MUS81: variants seen among roughly 807,000 people sequenced by gnomAD.
MUS81 encodes the protein structure-specific endonuclease subunit MUS81.
In MUS81, 69 loss-of-function variants were observed where a neutral mutation model predicts 74.2. That is an observed-to-expected ratio of 0.93 (90% CI 0.77 to 1.14). The LOEUF is 1.14. Ranked by LOEUF, MUS81 falls within the 50% of genes most tolerant of loss-of-function variation. The probability of loss-of-function intolerance (pLI) is 0.00; values close to 1 mark genes in which losing one functional copy is unlikely to be tolerated. For synonymous variants in MUS81, 303 were observed against 300.6 expected, an observed-to-expected ratio of 1.01 and a Z score of -0.08; for missense variants, 711 against 726.5, an observed-to-expected ratio of 0.98 and a Z score of 0.25.
intron 6 of MUS81, 102 bp from the exon 7 acceptor site, chr11:65,862,963 G>T (rs1387297742): frequency 6.7e-7 from 1 of 1,496,752 alleles, no homozygotes; most frequent in Admixed American, 1.7e-5. Flanking sequence ...TTTGTGCAGG[G>T]CGCCAAGGGG....
chr11:65,863,545 C>CT, intron 8 of MUS81, 43 bp downstream of exon 8: 3 of 1,613,924 alleles, frequency 1.9e-6, no homozygotes, highest in Non-Finnish European at 2.5e-6. Flanking sequence ...TCAGAGGAGG[C>CT]TGGGGGGTAG....
downstream of MUS81, chr11:65,867,155 C>T: frequency 6.3e-7 from 1 of 1,586,378 alleles, no homozygotes; most frequent in Non-Finnish European, 8.6e-7. Context: ...CGTCACCTCC[C>T]TGCCCCGTGG....
At chr11:65,867,453 C>A, downstream of MUS81, 1 of 427,936 alleles carries the variant, frequency 2.3e-6, no homozygotes, top group Non-Finnish European at 4.4e-6. Flanking sequence ...CTAGACAAAC[C>A]CCTTCTCCTG....
rs778943111 is a variant in MUS81, at chr11:65,864,483, G to T, written c.1060-14G>T. The T allele has an allele frequency of 2.5e-6, 4 of 1,610,414 alleles. No individual in the cohort carries two copies. Among genetic ancestry groups the T allele is most frequent in the Non-Finnish European group, 2.5e-6 (3 of 1,176,618 alleles). ...CAGCCTGACCCTCCCTGTCCACTCT[G>T]TACACTTCCCTAGTTCCGGCTGAAG... On this transcript the variant is annotated splice_polypyrimidine_tract_variant and intron_variant, in intron 10 of 15. Coordinates refer to ENST00000308110, the MANE Select transcript of MUS81 (RefSeq NM_025128.5).
At chr11:65,864,053 C>G (rs1174198428) in intron 10 of MUS81, 152 bp downstream of exon 10, 2 of 728,058 alleles carry the variant, frequency 2.7e-6, no homozygotes, top group Non-Finnish European at 4.6e-6. Flanking sequence ...GGATCAGACC[C>G]CCACAGGCCC....
Position 65,860,600 on chromosome 11 carries a change from C to T in MUS81, c.-154C>T. On this transcript the variant is annotated 5_prime_UTR_variant, in exon 1 of 16. Transcript: ENST00000308110. ...CGCAGGCTCTCCTCTCGTTAGTGCC[C>T]CCTGTGTTTGGGGCCCCGTGATCTC... 9.9e-7 allele frequency: 1 copy of T among 1,013,498 alleles called. No individual in the cohort carries two copies. The highest frequency in any genetic ancestry group is 2.6e-5 in the East Asian group (1 of 38,106). 62.8% of individuals were successfully genotyped at this position (1,013,498 alleles called of 1,614,324 possible). A position where few individuals can be genotyped will look rare whatever the true frequency, so the allele number is the denominator to read the frequency against.
At position 65,865,319 on chromosome 11, in the gene MUS81, G is replaced by A; in HGVS notation, c.1501G>A (p.Ala501Thr). 1 of 1,613,412 alleles carries A rather than the reference G, an allele frequency of 6.2e-7. No homozygotes were observed. The highest frequency in any genetic ancestry group is 1.1e-5 in the South Asian group (1 of 91,006). Residue 501 changes from alanine (A) to threonine (T), a missense_variant, in exon 14 of 16, where the codon GCC (alanine) becomes ACC (threonine). By Grantham distance (58) the Ala-to-Thr change is moderately conservative. Transcript: ENST00000308110. The part of the protein sequence containing the change: ...AALVDRYSTP[A>T]SLLAAYDACA... ...CCTGGTGGATCGATACAGCACCCCTGCCAGGTAGGCCCTAAAGGGCCCTTA... is the reference window on the plus strand; with the variant it reads ...CCTGGTGGATCGATACAGCACCCCTACCAGGTAGGCCCTAAAGGGCCCTTA...
chr11:65,865,078 C>G lies in MUS81; in HGVS notation c.1334C>G (p.Thr445Ser). ...GGGAACCCTGAATCAGGGGCCATGACCTCTCCAAACCCTCTCTGCTCACTC... is the reference window on the plus strand; with the variant it reads ...GGGAACCCTGAATCAGGGGCCATGAGCTCTCCAAACCCTCTCTGCTCACTC... ...TPGNPESGAM[T>S]SPNPLCSLLT... Residue 445 changes from threonine to serine, a missense_variant, in exon 13 of 16, where the codon ACC (threonine) becomes AGC (serine). By Grantham distance (58) the Thr-to-Ser change is moderately conservative. Coordinates refer to ENST00000308110, the MANE Select transcript of MUS81 (RefSeq NM_025128.5). 1.9e-6 allele frequency: 3 copies of G among 1,614,156 alleles called. No homozygotes were observed. Among genetic ancestry groups the G allele is most frequent in the Non-Finnish European group, 2.5e-6 (3 of 1,180,030 alleles).
upstream of MUS81, among the ~76,000 whole-genome samples, chr11:65,859,697 GC>G (rs1859506205): frequency 1.3e-5 from 2 of 152,356 alleles, no homozygotes; most frequent in South Asian, 4.1e-4. Flanking sequence ...GCGACTTCCG[GC>G]ATAGCAGCTA....
At position 65,863,865 on chromosome 11, in the gene MUS81, C is replaced by T. The variant is rs1591059116; in HGVS notation, c.1023C>T (p.Cys341=). ...AGCGCAAGCGACTGGATGACCTTTG[C>T]AGCAGCATCATCGACGGCCGCTTCC... is the stretch of plus-strand genomic sequence containing the variant. ...IVERKRLDDL[C]SSIIDGRFRE... The change falls in exon 10 of 16, where the codon TGC becomes TGT. Residue 341 remains cysteine (C), a synonymous_variant. Coordinates refer to ENST00000308110, the MANE Select transcript of MUS81 (RefSeq NM_025128.5). 2 of 1,614,174 alleles carry T rather than the reference C, an allele frequency of 1.2e-6. No individual in the cohort carries two copies. Among genetic ancestry groups the T allele is most frequent in the East Asian group, 2.2e-5 (1 of 44,894 alleles).
At chr11:65,861,724 T>G in intron 3 of MUS81, 1 of 608,098 alleles carries the variant, frequency 1.6e-6, no homozygotes, top group Non-Finnish European at 2.9e-6. Context: ...CAGCGCATGG[T>G]AGAAGTGAGG....
At chr11:65,865,498 T>C (rs1289959812) in intron 14 of MUS81, 175 bp downstream of exon 14, 6 of 696,536 alleles carry the variant, frequency 8.6e-6, no homozygotes, top group Non-Finnish European at 2.4e-6. Flanking sequence ...CAGGCCCACA[T>C]AGTGTCCCAG....
At position 65,864,539 on chromosome 11, in the gene MUS81, G is replaced by T; in HGVS notation, c.1102G>T (p.Val368Leu). The T allele has an allele frequency of 1.2e-6, 2 of 1,614,152 alleles. No individual in the cohort carries two copies. The highest frequency in any genetic ancestry group is 1.7e-6 in the Non-Finnish European group (2 of 1,180,026). Reference protein sequence around the residue: ...RCGLERRVYLVEEHGSVHNLS... With the variant: ...RCGLERRVYLLEEHGSVHNLS... ...TGGTCTGGAGCGCCGGGTATACCTG[G>T]TGGAAGAGCATGGTTCCGTCCACAA... The change falls in exon 11 of 16, where the codon GTG becomes TTG. Residue 368 changes from valine to leucine, a missense_variant. Val to Leu is a conservative substitution (Grantham distance 32, BLOSUM62 1). Coordinates refer to ENST00000308110, the MANE Select transcript of MUS81 (RefSeq NM_025128.5).
chr11:65,862,948 G>A, intron 6 of MUS81, 117 bp from the exon 7 acceptor site: 7 of 1,320,936 alleles, frequency 5.3e-6, no homozygotes, highest in Non-Finnish European at 7.5e-6. Flanking sequence ...GAGCCACTGG[G>A]GTCATTTGTG....
At chr11:65,865,185 A>G (rs1859778386) in intron 13 of MUS81, 35 bp from the exon 14 acceptor site, 3 of 1,614,062 alleles carry the variant, frequency 1.9e-6, no homozygotes, top group African/African-American at 2.7e-5. Context: ...GGCCTGGCCC[A>G]GACCCCCACT....
At position 65,864,565 on chromosome 11, in the gene MUS81, C is replaced by T. The variant is rs1239808814; in HGVS notation, c.1128C>T (p.Asn376=). The part of the protein sequence containing the change: ...YLVEEHGSVH[N]LSLPESTLLQ... ...TGGAAGAGCATGGTTCCGTCCACAA[C>T]CTCAGCCTTCCTGAGAGCACACTGC... Residue 376 remains asparagine, a synonymous_variant, in exon 11 of 16, where the codon AAC becomes AAT. Coordinates refer to ENST00000308110, the MANE Select transcript of MUS81 (RefSeq NM_025128.5). The T allele has an allele frequency of 6.2e-7, 1 of 1,614,186 alleles. No individual in the cohort carries two copies. The highest frequency in any genetic ancestry group is 1.1e-5 in the South Asian group (1 of 91,090).
In MUS81 at chr11:65,861,336, T is replaced by C; in HGVS notation, c.266-14T>C. On this transcript the variant is annotated splice_polypyrimidine_tract_variant and intron_variant, in intron 2 of 15. Coordinates refer to ENST00000308110, the MANE Select transcript of MUS81 (RefSeq NM_025128.5). ...ATTCGTGGAGTGTGGAGTTAACTCT[T>C]TTCTCTCCCGCAGGTGACCATGCCC... 2 of 1,580,524 alleles carry C rather than the reference T, an allele frequency of 1.3e-6. No homozygotes were observed. The highest frequency in any genetic ancestry group is 3.6e-5 in the Admixed American group (2 of 56,046).
At position 65,864,527 on chromosome 11, in the gene MUS81, C is replaced by T. The variant is rs144712177; in HGVS notation, c.1090C>T (p.Arg364Trp). 1.4e-4 allele frequency: 221 copies of T among 1,614,168 alleles called. No individual in the cohort carries two copies. Among genetic ancestry groups the T allele is most frequent in the Middle Eastern group, 1.6e-4 (1 of 6,062 alleles). The change falls in exon 11 of 16, where the codon CGG (arginine) becomes TGG (tryptophan). Residue 364 changes from arginine (R) to tryptophan (W), a missense_variant. Arg to Trp is a moderately radical substitution (Grantham distance 101). Transcript: ENST00000308110. ...GCTGAAGCGCTGTGGTCTGGAGCGC[C>T]GGGTATACCTGGTGGAAGAGCATGG... ...FRLKRCGLER[R>W]VYLVEEHGSV...
intron 11 of MUS81, 28 bp from the exon 12 acceptor site, chr11:65,864,692 C>T (rs1468119034): frequency 7.4e-6 from 12 of 1,613,260 alleles, no homozygotes; most frequent in South Asian, 2.2e-5. Flanking sequence ...CAGGAGCCAC[C>T]TTCCCTCTCT....
Sources: gnomAD v4.1 joint callset for allele counts (sites outside exome capture counted in the v4.1 genomes callset) on GRCh38, gnomAD v4.1.1 for gene constraint, MANE v1.5 for transcripts, NCBI Gene and HGNC (gene_info 2026-07-23, HGNC 2026-07-21) for gene names.